The following WWC2 variants were observed in gnomAD, a reference collection of about 807,000 sequenced individuals.
WWC2 encodes the protein WW and C2 domain containing 2.
A neutral mutation model predicts 138.5 loss-of-function variants in WWC2; 101 were observed. The ratio of observed to expected loss-of-function variants is 0.73; its 90% CI spans 0.62 to 0.86. The LOEUF (loss-of-function observed/expected upper bound fraction) is 0.86, where lower values mean the gene tolerates loss of function less well. Among genes scored for constraint, WWC2 ranks in the 40% least tolerant of loss-of-function variants. The pLI is 0.00. For synonymous variants in WWC2, 558 were observed against 538.4 expected, an observed-to-expected ratio of 1.04 and a Z score of -0.50; for missense variants, 1,420 against 1,419.4, an observed-to-expected ratio of 1.00 and a Z score of -0.01.
At chr4:183,167,707 G>A (rs1377265271) in intron 1 of WWC2, among the ~76,000 whole-genome samples, 2 of 152,030 alleles carry the variant, frequency 1.3e-5, no homozygotes, top group African/African-American at 4.8e-5. Context: ...GGTGCACTTA[G>A]AAAAAACATG....
chr4:183,178,223 TA>T (rs1220096353), intron 1 of WWC2, among the ~76,000 whole-genome samples: 1 of 151,992 alleles, frequency 6.6e-6, no homozygotes, highest in Non-Finnish European at 1.5e-5. Context: ...TCTCTAAATG[TA>T]ACAATAGCTG....
chr4:183,142,196 T>G (rs1031132458), intron 1 of WWC2, among the ~76,000 whole-genome samples: 1 of 152,176 alleles, frequency 6.6e-6, no homozygotes, highest in Non-Finnish European at 1.5e-5. Context: ...TCTTGACAAG[T>G]AGTATAAGGG....
At chr4:183,157,287 T>C (rs913503511) in intron 1 of WWC2, among the ~76,000 whole-genome samples, 4 of 152,162 alleles carry the variant, frequency 2.6e-5, no homozygotes, top group Non-Finnish European at 5.9e-5. Flanking sequence ...TAGATTCAGG[T>C]TATGCATTTT....
chr4:183,193,103 A>T (rs1462787348), intron 1 of WWC2, among the ~76,000 whole-genome samples: 1 of 152,218 alleles, frequency 6.6e-6, no homozygotes, highest in East Asian at 1.9e-4. Context: ...CTTATAAAAA[A>T]AATTTGTCCT....
At chr4:183,101,113 ATTCT>A (rs1561413971) in intron 1 of WWC2, among the ~76,000 whole-genome samples, 1 of 152,244 alleles carries the variant, frequency 6.6e-6, no homozygotes. Context: ...TTGTGTGGTA[ATTCT>A]TTCTGCTTTC....
At chr4:183,155,221 A>AGAGTGAGT (rs141480395) in intron 1 of WWC2, among the ~76,000 whole-genome samples, 2 of 135,282 alleles carry the variant, frequency 1.5e-5, no homozygotes, top group African/African-American at 2.8e-5. Context: ...AGAGAGAGAG[A>AGAGTGAGT]GAGTTAGTTG....
chr4:183,273,779 C>A (rs926494817), intron 16 of WWC2, among the ~76,000 whole-genome samples: 2 of 152,158 alleles, frequency 1.3e-5, no homozygotes, highest in Non-Finnish European at 2.9e-5. Flanking sequence ...CCAGTTTATC[C>A]ATTTTTCAAA....
At chr4:183,275,723 G>A (rs879025967) in intron 16 of WWC2, among the ~76,000 whole-genome samples, 4 of 151,922 alleles carry the variant, frequency 2.6e-5, no homozygotes, top group Non-Finnish European at 2.9e-5. Flanking sequence ...CAGGATTTTC[G>A]TGTCTGTATT....
intron 16 of WWC2, among the ~76,000 whole-genome samples, chr4:183,280,229 G>GTTTTTTTTTTTTTTT (rs869235261): frequency 0.01 from 674 of 65,510 alleles, 14 homozygotes; most frequent in Middle Eastern, 0.038. Context: ...GATAGCAGCT[G>GTTTTTTTTTTTTTTT]TTTTTTTTTT....
Position 183,259,643 on chromosome 4 carries a change from A to G in WWC2, c.1201A>G (p.Arg401Gly). Residue 401 changes from arginine to glycine, a missense_variant, in exon 10 of 23, where the codon AGA becomes GGA. Coordinates refer to ENST00000403733, the MANE Select transcript of WWC2 (RefSeq NM_024949.6). ...AATAATTTTTTTTCTTCCTAGATTG[A>G]GATTGGAAGAGAGAAGAAAAGAGCT... is the stretch of plus-strand genomic sequence containing the variant. ...TPSRALAERL[R>G]LEERRKELLQ... The G allele has an allele frequency of 6.5e-7, 1 of 1,526,754 alleles. No homozygotes were observed. The highest frequency in any genetic ancestry group is 8.8e-7 in the Non-Finnish European group (1 of 1,138,638). 94.6% of individuals were successfully genotyped at this position (1,526,754 alleles called of 1,614,324 possible). A position where few individuals can be genotyped will look rare whatever the true frequency, so the allele number is the denominator to read the frequency against.
At chr4:183,214,659 G>T (rs1250316686) in intron 4 of WWC2, among the ~76,000 whole-genome samples, 1 of 151,950 alleles carries the variant, frequency 6.6e-6, no homozygotes, top group Non-Finnish European at 1.5e-5. Flanking sequence ...AGGTGTGGTG[G>T]CACATGCCCG....
At chr4:183,119,887 A>T (rs1425416141) in intron 1 of WWC2, among the ~76,000 whole-genome samples, 2 of 152,172 alleles carry the variant, frequency 1.3e-5, no homozygotes. Context: ...GTCAGCCTTT[A>T]ACCCCTGAGT....
chr4:183,220,839 G>GAA (rs796202588), intron 4 of WWC2, among the ~76,000 whole-genome samples: 3 of 79,812 alleles, frequency 3.8e-5, no homozygotes, highest in East Asian at 3.8e-4. Context: ...GTCTCAAAAA[G>GAA]AAAAAAAAAA....
At position 183,261,116 on chromosome 4, in the gene WWC2, C is replaced by A. The variant is rs754778058; in HGVS notation, c.1493C>A (p.Pro498His). The A allele has an allele frequency of 3.0e-5, 48 of 1,613,856 alleles. No individual in the cohort carries two copies. Among genetic ancestry groups the A allele is most frequent in the Non-Finnish European group, 3.5e-5 (41 of 1,179,882 alleles). Reference protein sequence around the residue: ...FLLQEKSGYIPSGPITTIHEN... With the variant: ...FLLQEKSGYIHSGPITTIHEN... ...CTGCAAGAGAAAAGCGGTTACATTC[C>A]TTCTGGACCCATCACCACCATCCAT... Residue 498 changes from proline to histidine, a missense_variant, in exon 11 of 23, where the codon CCT (proline) becomes CAT (histidine). Transcript: ENST00000403733.
chr4:183,238,345 A>G (rs978627923), intron 4 of WWC2, among the ~76,000 whole-genome samples: 2 of 152,106 alleles, frequency 1.3e-5, no homozygotes, highest in Non-Finnish European at 2.9e-5. Flanking sequence ...TCTTGCCCAC[A>G]TGCCAGCCCA....
chr4:183,108,796 A>G (rs1023745072), intron 1 of WWC2, among the ~76,000 whole-genome samples: 6 of 152,096 alleles, frequency 3.9e-5, no homozygotes, highest in African/African-American at 1.4e-4. Flanking sequence ...TTTTTAGTAG[A>G]GATAGGGTTT....
intron 1 of WWC2, among the ~76,000 whole-genome samples, chr4:183,153,454 T>A (rs1450462342): frequency 6.6e-6 from 1 of 152,194 alleles, no homozygotes; most frequent in East Asian, 1.9e-4. Flanking sequence ...AGATTTAATT[T>A]GTGTTTACTT....
chr4:183,205,086 C>A (rs1735411160), intron 2 of WWC2, among the ~76,000 whole-genome samples: 1 of 152,254 alleles, frequency 6.6e-6, no homozygotes, highest in Admixed American at 6.5e-5. Context: ...ATTTTCATAT[C>A]TCTTGGGTAA....
At chr4:183,234,175 G>T (rs1171166834) in intron 4 of WWC2, among the ~76,000 whole-genome samples, 1 of 152,180 alleles carries the variant, frequency 6.6e-6, no homozygotes, top group African/African-American at 2.4e-5. Flanking sequence ...TGGATTTTCA[G>T]TCCTACTTAC....
Sources: allele counts gnomAD v4.1 joint callset (sites outside exome capture counted in the v4.1 genomes callset), GRCh38; gene constraint gnomAD v4.1.1; transcripts MANE v1.5; gene names NCBI Gene and HGNC (gene_info 2026-07-23, HGNC 2026-07-21).